The following BAALC variants were observed in gnomAD, a reference collection of about 807,000 sequenced individuals.
BAALC encodes the protein brain and acute leukemia cytoplasmic protein.
Under a neutral mutation model 15.5 loss-of-function variants are expected in BAALC, and 9 were observed. That is an observed-to-expected ratio of 0.58 (90% confidence interval 0.35 to 1.02). BAALC has a LOEUF of 1.02. Ranked by LOEUF, BAALC falls within the 50% of genes least tolerant of loss-of-function variation. The probability of loss-of-function intolerance (pLI) is 0.02; values close to 1 mark genes in which losing one functional copy is unlikely to be tolerated. For missense variants in BAALC, 201 were observed against 192.4 expected (o/e 1.04, Z -0.27); for synonymous variants, 80 against 74.6 (o/e 1.07, Z -0.37).
intron 1 of BAALC, among the ~76,000 whole-genome samples, chr8:103,162,907 A>C (rs918100964): frequency 6.6e-6 from 1 of 152,186 alleles, no homozygotes; most frequent in Non-Finnish European, 1.5e-5. Context: ...GCATATTTGC[A>C]TCAGTCCCTG....
rs1398743688 is a variant in BAALC, at chr8:103,228,860, G to C, written c.*761G>C. On this transcript the variant is annotated 3_prime_UTR_variant, in exon 3 of 3. Coordinates refer to ENST00000309982, the MANE Select transcript of BAALC (RefSeq NM_024812.3). Reference sequence around the variant, plus strand: ...GCATCCAAATAAGGATACCCCTCAGGGCTCAGCTAGACATTGCAATTTTGC... The same window carrying C: ...GCATCCAAATAAGGATACCCCTCAGCGCTCAGCTAGACATTGCAATTTTGC... 1.3e-5 allele frequency: 2 copies of C among 152,146 alleles called. No individual in the cohort carries two copies. Among genetic ancestry groups the C allele is most frequent in the African/African-American group, 4.8e-5 (2 of 41,408 alleles). The allele number at this position is 152,146 out of a possible 1,614,324, so 9.4% of individuals were successfully genotyped here.
intron 1 of BAALC, among the ~76,000 whole-genome samples, chr8:103,150,249 C>T (rs1027744224): frequency 1.3e-5 from 2 of 152,174 alleles, no homozygotes; most frequent in Admixed American, 6.5e-5. Context: ...CCTCCCACAA[C>T]ACGTGGGAAT....
At chr8:103,171,951 C>T (rs1811505754) in intron 1 of BAALC, 1 of 152,240 alleles carries the variant, frequency 6.6e-6, no homozygotes, top group South Asian at 2.1e-4. Context: ...TACCTAAGGT[C>T]TTTCCCCAGG....
At chr8:103,201,503 G>A (rs1812217853) in intron 1 of BAALC, among the ~76,000 whole-genome samples, 1 of 152,238 alleles carries the variant, frequency 6.6e-6, no homozygotes. Context: ...CATGTGGATG[G>A]ATAAGACATA....
At chr8:103,212,199 C>G (rs1812461490) in intron 1 of BAALC, among the ~76,000 whole-genome samples, 1 of 152,176 alleles carries the variant, frequency 6.6e-6, no homozygotes, top group South Asian at 2.1e-4. Context: ...AATCTCAGCA[C>G]TTTAGAAGAC....
chr8:103,201,347 G>C (rs1007389028), intron 1 of BAALC, among the ~76,000 whole-genome samples: 1 of 152,134 alleles, frequency 6.6e-6, no homozygotes, highest in Admixed American at 6.5e-5. Context: ...CCAGGCACCT[G>C]TTGGTCACCC....
intron 1 of BAALC, among the ~76,000 whole-genome samples, chr8:103,196,201 C>G (rs1346222126): frequency 6.6e-6 from 1 of 152,132 alleles, no homozygotes; most frequent in Non-Finnish European, 1.5e-5. Flanking sequence ...ACATAGGGAT[C>G]GGTATGTCTA....
intron 1 of BAALC, among the ~76,000 whole-genome samples, chr8:103,159,901 T>A (rs559727009): frequency 9.2e-5 from 14 of 152,360 alleles, no homozygotes; most frequent in Admixed American, 6.5e-5. Context: ...TTGTTGCTAC[T>A]GGGTTGGCTG....
At chr8:103,183,973 T>C (rs1302602528) in intron 1 of BAALC, among the ~76,000 whole-genome samples, 3 of 152,232 alleles carry the variant, frequency 2.0e-5, no homozygotes, top group African/African-American at 7.2e-5. Context: ...AAGCCTGATA[T>C]GTTGTCATCA....
At chr8:103,217,742 C>CAATTACA (rs1563657220) in intron 2 of BAALC, among the ~76,000 whole-genome samples, 2 of 152,190 alleles carry the variant, frequency 1.3e-5, no homozygotes, top group Non-Finnish European at 2.9e-5. Flanking sequence ...ATTTACAAAA[C>CAATTACA]AAATTTGTAT....
At chr8:103,167,068 G>A (rs978691109) in intron 1 of BAALC, among the ~76,000 whole-genome samples, 2 of 152,142 alleles carry the variant, frequency 1.3e-5, no homozygotes, top group Non-Finnish European at 2.9e-5. Flanking sequence ...GGTCCCATGA[G>A]TATTTATTTA....
intron 1 of BAALC, among the ~76,000 whole-genome samples, chr8:103,143,757 T>G (rs1396231056): frequency 6.6e-6 from 1 of 152,224 alleles, no homozygotes; most frequent in Non-Finnish European, 1.5e-5. Flanking sequence ...CTTTGCATCT[T>G]CTGTGCTGAA....
chr8:103,218,764 T>TCTCA (rs1391786451), intron 2 of BAALC, among the ~76,000 whole-genome samples: 1 of 152,132 alleles, frequency 6.6e-6, no homozygotes, highest in Non-Finnish European at 1.5e-5. Context: ...GGGGACTGAT[T>TCTCA]CTCAGCTAAG....
chr8:103,172,666 A>T (rs1811522787), intron 1 of BAALC, among the ~76,000 whole-genome samples: 1 of 152,092 alleles, frequency 6.6e-6, no homozygotes, highest in Admixed American at 6.6e-5. Context: ...AAGTGCTGGG[A>T]TTACAGACAT....
At chr8:103,156,623 G>A (rs1811097693) in intron 1 of BAALC, among the ~76,000 whole-genome samples, 1 of 152,170 alleles carries the variant, frequency 6.6e-6, no homozygotes, top group South Asian at 2.1e-4. Context: ...ACGGTGGAAT[G>A]TTCTTCTAAC....
chr8:103,166,755 G>A (rs1302996364), intron 1 of BAALC, among the ~76,000 whole-genome samples: 1 of 152,072 alleles, frequency 6.6e-6, no homozygotes, highest in Non-Finnish European at 1.5e-5. Flanking sequence ...TTGAAAGCCT[G>A]GTAATAATCC....
intron 1 of BAALC, among the ~76,000 whole-genome samples, chr8:103,180,279 C>G (rs1254643506): frequency 6.6e-6 from 1 of 152,148 alleles, no homozygotes; most frequent in African/African-American, 2.4e-5. Context: ...CATGGTGGTG[C>G]CCGTGGTTTA....
chr8:103,229,584 TTAGTCGTGAC>T lies in BAALC; in HGVS notation c.*1488_*1497del, dbSNP rs1347009392. The T allele has an allele frequency of 6.6e-6, 1 of 152,238 alleles. No homozygotes were observed. Among genetic ancestry groups the T allele is most frequent in the Admixed American group, 6.5e-5 (1 of 15,282 alleles). The allele number at this position is 152,238 out of a possible 1,614,324, so 9.4% of individuals were successfully genotyped here. ...AGATGTTGAGGGATTTGGGGTCTGG[TTAGTCGTGAC>T]TATCTATCCTGAATCTAACAGTGAC... On this transcript the variant is annotated 3_prime_UTR_variant, in exon 3 of 3. Coordinates refer to ENST00000309982, the MANE Select transcript of BAALC (RefSeq NM_024812.3).
intron 2 of BAALC, among the ~76,000 whole-genome samples, chr8:103,224,089 A>C (rs59412795): frequency 0.04 from 5,953 of 150,116 alleles, 410 homozygotes; most frequent in African/African-American, 0.14. Flanking sequence ...GCGTGTGTGC[A>C]TATGTGCATG....
Sources: gnomAD v4.1 joint callset for allele counts (sites outside exome capture counted in the v4.1 genomes callset) on GRCh38, gnomAD v4.1.1 for gene constraint, MANE v1.5 for transcripts, NCBI Gene and HGNC (gene_info 2026-07-23, HGNC 2026-07-21) for gene names.